Variants in RAB10 observed in about 807,000 individuals in gnomAD.
RAB10 encodes the protein RAB10, member RAS oncogene family.
In RAB10, 5 loss-of-function variants were observed where a neutral mutation model predicts 25.7. The observed-to-expected ratio is 0.19, with a 90% CI of 0.10 to 0.41. The LOEUF (loss-of-function observed/expected upper bound fraction) is 0.41. RAB10 is among the 10% of genes least tolerant of loss of function. The pLI is 1.00. For missense variants in RAB10, 103 were observed against 245.8 expected, an observed-to-expected ratio of 0.42 and a Z score of 3.89; for synonymous variants, 89 against 86.4, an observed-to-expected ratio of 1.03 and a Z score of -0.16.
chr2:26,127,918 G>A lies in RAB10; in HGVS notation c.486G>A (p.Ala162=), dbSNP rs61754189. 5.0e-6 allele frequency: 8 copies of A among 1,608,420 alleles called. No individual in the cohort carries two copies. In the African/African-American group the frequency reaches 5.3e-5, roughly 11 times the overall value. The change falls in exon 5 of 6, where the codon GCG becomes GCA. Residue 162 remains alanine (A), a synonymous_variant. Coordinates refer to ENST00000264710, the MANE Select transcript of RAB10 (RefSeq NM_016131.5). The stretch of plus-strand genomic sequence containing the variant: ...AAGCAAATATAAACATCGAAAAGGC[G>A]TTCCTCACGTTAGCTGAAGATATCC... ...SAKANINIEK[A]FLTLAEDILR...
chr2:26,117,266 A>G lies in RAB10; in HGVS notation c.327+7360A>G, dbSNP rs531857818. ...CAACTCTTGGGATCAGTGTTTTTGA[A>G]CTAGGCTGGGGATGCAGCGTAAACA... On this transcript the variant is annotated intron_variant, in intron 3 of 5. Transcript: ENST00000264710. Among the ~76,000 whole-genome samples the G allele has an allele frequency of 2.1e-3, 316 of 152,234 alleles. 1 individual carries two copies. Among genetic ancestry groups the G allele is most frequent in the Non-Finnish European group, 3.8e-3 (256 of 68,004 alleles).
At chr2:26,037,959 T>G (rs965760889) in intron 1 of RAB10, among the ~76,000 whole-genome samples, 5 of 151,938 alleles carry the variant, frequency 3.3e-5, no homozygotes, top group Non-Finnish European at 1.5e-5. Flanking sequence ...TGATCTCGGC[T>G]CACTGCAACC....
chr2:26,084,122 G>A (rs1212470793), intron 1 of RAB10, among the ~76,000 whole-genome samples: 1 of 152,170 alleles, frequency 6.6e-6, no homozygotes, highest in East Asian at 1.9e-4. Context: ...TATTTTCTCT[G>A]CCTGGAACAC....
intron 1 of RAB10, among the ~76,000 whole-genome samples, chr2:26,083,032 C>T (rs992447586): frequency 1.3e-5 from 2 of 152,134 alleles, no homozygotes; most frequent in Non-Finnish European, 2.9e-5. Flanking sequence ...TGATGAAATA[C>T]ACCTCATGAT....
intron 1 of RAB10, chr2:26,042,712 G>C (rs1483436753): frequency 1.6e-4 from 24 of 151,978 alleles, no homozygotes; most frequent in Non-Finnish European, 2.9e-5. Context: ...AAATTGGAAG[G>C]ATATGGAGAA....
At chr2:26,083,773 C>T (rs1036333873) in intron 1 of RAB10, among the ~76,000 whole-genome samples, 3 of 152,094 alleles carry the variant, frequency 2.0e-5, no homozygotes, top group African/African-American at 7.2e-5. Flanking sequence ...CCCACGCCGG[C>T]CCCACAAAGT....
chr2:26,087,842 C>T (rs947332762), intron 1 of RAB10, among the ~76,000 whole-genome samples: 5 of 152,192 alleles, frequency 3.3e-5, no homozygotes, highest in African/African-American at 9.7e-5. Flanking sequence ...ATGTTAACTA[C>T]GCTGTTACTA....
intron 3 of RAB10, among the ~76,000 whole-genome samples, chr2:26,124,525 T>TA (rs1230053966): frequency 6.6e-6 from 1 of 150,756 alleles, no homozygotes; most frequent in Non-Finnish European, 1.5e-5. Context: ...CTCAGCTTCT[T>TA]AAAGTGTTGG....
chr2:26,128,873 G>T (rs552631771), intron 5 of RAB10, among the ~76,000 whole-genome samples: 1 of 152,108 alleles, frequency 6.6e-6, no homozygotes, highest in Admixed American at 6.6e-5. Flanking sequence ...TCGGATTTTC[G>T]TATTTTCCCT....
At chr2:26,062,934 G>A (rs1162291468) in intron 1 of RAB10, among the ~76,000 whole-genome samples, 1 of 151,818 alleles carries the variant, frequency 6.6e-6, no homozygotes, top group Non-Finnish European at 1.5e-5. Context: ...GGCCAACGTG[G>A]TGAAACCCTG....
At chr2:26,053,500 A>G (rs752515018) in intron 1 of RAB10, among the ~76,000 whole-genome samples, 1 of 152,202 alleles carries the variant, frequency 6.6e-6, no homozygotes, top group Non-Finnish European at 1.5e-5. Flanking sequence ...GATTCGGCAA[A>G]TTCATAATCT....
chr2:26,037,068 G>T (rs1249287172), intron 1 of RAB10, among the ~76,000 whole-genome samples: 2 of 151,854 alleles, frequency 1.3e-5, no homozygotes, highest in South Asian at 2.1e-4. Flanking sequence ...GAGCCACCAC[G>T]CCTGGCTGTG....
intron 5 of RAB10, among the ~76,000 whole-genome samples, chr2:26,132,166 T>G (rs561805248): frequency 1.5e-4 from 23 of 152,368 alleles, no homozygotes; most frequent in Admixed American, 1.3e-3. Context: ...CACAGTGGAT[T>G]TACAAGACTC....
At chr2:26,073,985 C>T (rs923660406) in intron 1 of RAB10, among the ~76,000 whole-genome samples, 1 of 152,056 alleles carries the variant, frequency 6.6e-6, no homozygotes, top group African/African-American at 2.4e-5. Context: ...ATATGTAGAC[C>T]AGGGGCAGTT....
At chr2:26,081,483 A>T (rs1179407304) in intron 1 of RAB10, among the ~76,000 whole-genome samples, 1 of 152,216 alleles carries the variant, frequency 6.6e-6, no homozygotes, top group African/African-American at 2.4e-5. Context: ...GACTGTCTTA[A>T]GTTGGAGGAG....
intron 1 of RAB10, among the ~76,000 whole-genome samples, chr2:26,069,693 G>T (rs1666584453): frequency 6.7e-6 from 1 of 148,272 alleles, no homozygotes. Flanking sequence ...AAGAAAAAAG[G>T]AAAAACAACT....
At chr2:26,127,711 G>A (rs1667932213) in intron 4 of RAB10, 139 bp from the exon 5 acceptor site, 1 of 606,284 alleles carries the variant, frequency 1.6e-6, no homozygotes, top group South Asian at 2.3e-5. Context: ...GAAAGAGCTT[G>A]ACTTGCTGAA....
intron 1 of RAB10, among the ~76,000 whole-genome samples, chr2:26,039,015 CT>C (rs70950162): frequency 0.96 from 104,250 of 108,946 alleles, 49,964 homozygotes; most frequent in Middle Eastern, 0.97. Context: ...TTAATAGCCA[CT>C]TTTTTTTTTT....
intron 1 of RAB10, among the ~76,000 whole-genome samples, chr2:26,049,303 G>A (rs1039324921): frequency 1.3e-5 from 2 of 151,150 alleles, no homozygotes; most frequent in African/African-American, 4.9e-5. Context: ...TGATGTAGGA[G>A]TTCTCAAGAT....
Sources: gnomAD v4.1 joint callset for allele counts (sites outside exome capture counted in the v4.1 genomes callset) on GRCh38, gnomAD v4.1.1 for gene constraint, MANE v1.5 for transcripts, NCBI Gene and HGNC (gene_info 2026-07-23, HGNC 2026-07-21) for gene names.